The following CATSPERE variants were observed in gnomAD, a reference collection of about 807,000 sequenced individuals.
The protein encoded by CATSPERE is cation channel sperm-associated auxiliary subunit epsilon.
Under a neutral mutation model 114.1 loss-of-function variants are expected in CATSPERE, and 93 were observed. The ratio of observed to expected loss-of-function variants is 0.81; its 90% confidence interval spans 0.69 to 0.97. CATSPERE has a LOEUF of 0.97. CATSPERE is among the 50% of genes least tolerant of loss of function. The pLI, the probability that CATSPERE is intolerant of heterozygous loss-of-function variation, is 0.00. For missense variants in CATSPERE, 1,058 were observed against 1,131.6 expected, an observed-to-expected ratio of 0.93 and a Z score of 0.93; for synonymous variants, 341 against 384.1, an observed-to-expected ratio of 0.89 and a Z score of 1.31.
At chr1:244,618,580 A>G (rs1406351602) in intron 20 of CATSPERE, among the ~76,000 whole-genome samples, 1 of 143,786 alleles carries the variant, frequency 7.0e-6, no homozygotes, top group Non-Finnish European at 1.5e-5. Flanking sequence ...TGGGAGTTCA[A>G]GACCAGCTTG....
chr1:244,527,004 A>G (rs918098811), intron 8 of CATSPERE, among the ~76,000 whole-genome samples: 1 of 152,128 alleles, frequency 6.6e-6, no homozygotes. Flanking sequence ...TCACAAGGTA[A>G]TAAGATGTCA....
At chr1:244,554,062 C>T (rs939703680) in intron 9 of CATSPERE, among the ~76,000 whole-genome samples, 2 of 152,090 alleles carry the variant, frequency 1.3e-5, no homozygotes, top group African/African-American at 4.8e-5. Context: ...TTTCTTTATC[C>T]ACTCATCCAT....
chr1:244,572,330 A>G lies in CATSPERE; in HGVS notation c.1508A>G (p.Asp503Gly). 7.3e-7 allele frequency: 1 copy of G among 1,369,560 alleles called. No individual in the cohort carries two copies. Among genetic ancestry groups the G allele is most frequent in the Non-Finnish European group, 1.0e-6 (1 of 993,486 alleles). The allele number at this position is 1,369,560 out of a possible 1,614,324, so 84.8% of individuals were successfully genotyped here. A position where few individuals can be genotyped will look rare whatever the true frequency, so the allele number is the denominator to read the frequency against. The stretch of plus-strand genomic sequence containing the variant: ...ACACAAACTTTTCTCTTTTTTCCAG[A>G]TTATTATGGAGATATTTTGGTAAAA... ...NDSIIHEVFI[D>G]YYGDILVKME... The change falls in exon 11 of 22, where the codon GAT (aspartate) becomes GGT (glycine). Residue 503 changes from aspartate (D) to glycine (G), a missense_variant and splice_region_variant. Physicochemically the swap from Asp to Gly is moderately conservative, Grantham distance 94. Around this residue, in one of 2 missense-constraint regions of CATSPERE, gnomAD observed 787 missense variants for 905.6 expected, o/e 0.87. Coordinates refer to ENST00000366534, the MANE Select transcript of CATSPERE (RefSeq NM_001130957.2).
intron 5 of CATSPERE, among the ~76,000 whole-genome samples, chr1:244,482,464 T>C (rs563169284): frequency 2.9e-4 from 44 of 152,152 alleles, no homozygotes; most frequent in Admixed American, 4.6e-4. Context: ...TTGTCAGGCA[T>C]GATGACTTGC....
At chr1:244,468,094 T>A (rs1667903403) in intron 2 of CATSPERE, among the ~76,000 whole-genome samples, 1 of 151,934 alleles carries the variant, frequency 6.6e-6, no homozygotes, top group South Asian at 2.1e-4. Flanking sequence ...TATTGTTTTT[T>A]TTTTTTCTTT....
At chr1:244,638,667 A>G (rs1674952146) in intron 21 of CATSPERE, among the ~76,000 whole-genome samples, 1 of 152,224 alleles carries the variant, frequency 6.6e-6, no homozygotes, top group African/African-American at 2.4e-5. Context: ...TGATCTTATC[A>G]CACGCTCCCC....
intron 17 of CATSPERE, among the ~76,000 whole-genome samples, chr1:244,600,475 T>C (rs1253474322): frequency 2.6e-5 from 4 of 152,048 alleles, no homozygotes; most frequent in African/African-American, 9.7e-5. Flanking sequence ...CCTATAAGAA[T>C]GGGAGATGTC....
At chr1:244,550,379 A>T (rs1375404210) in intron 8 of CATSPERE, among the ~76,000 whole-genome samples, 3 of 152,204 alleles carry the variant, frequency 2.0e-5, no homozygotes, top group Non-Finnish European at 4.4e-5. Flanking sequence ...AAGCCAAAAA[A>T]TTTCTGAAAA....
intron 20 of CATSPERE, among the ~76,000 whole-genome samples, chr1:244,627,311 G>A (rs1231286321): frequency 1.3e-5 from 2 of 152,080 alleles, no homozygotes. Flanking sequence ...TAATAATAGT[G>A]AAAAAGGCTG....
rs1660821172 is a variant in CATSPERE, at chr1:244,552,516, A to G, written c.731A>G (p.Asp244Gly). Reference protein sequence around the residue: ...PRGSQLMASWDACVVASAVLV... With the variant: ...PRGSQLMASWGACVVASAVLV... The stretch of plus-strand genomic sequence containing the variant: ...GGTAGTCAATTAATGGCTTCCTGGG[A>G]TGCTTGTGTAGTTGCATCTGCTGTT... Residue 244 changes from aspartate (D) to glycine (G), a missense_variant, in exon 9 of 22, where the codon GAT (aspartate) becomes GGT (glycine). Asp to Gly is a moderately conservative substitution (Grantham distance 94, BLOSUM62 -1). Transcript: ENST00000366534. 2 of 1,614,140 alleles carry G rather than the reference A, an allele frequency of 1.2e-6. No individual in the cohort carries two copies. The highest frequency in any genetic ancestry group is 2.2e-5 in the East Asian group (1 of 44,878).
chr1:244,539,456 C>T (rs1219726526), intron 8 of CATSPERE, among the ~76,000 whole-genome samples: 2 of 136,092 alleles, frequency 1.5e-5, no homozygotes, highest in African/African-American at 5.3e-5. Context: ...TGTCTCTGCC[C>T]GCCTTTGGTA....
Position 244,552,493 on chromosome 1 carries a change from T to C in CATSPERE, c.708T>C (p.Gly236=). The C allele has an allele frequency of 6.2e-7, 1 of 1,614,138 alleles. No homozygotes were observed. Among genetic ancestry groups the C allele is most frequent in the East Asian group, 2.2e-5 (1 of 44,878 alleles). ...PGYLPISSPR[G]SQLMASWDAC... ...ATTTACCAATCTCCTCACCACGTGG[T>C]AGTCAATTAATGGCTTCCTGGGATG... Residue 236 remains glycine, a synonymous_variant, in exon 9 of 22, where the codon GGT becomes GGC. Transcript: ENST00000366534.
chr1:244,549,332 A>G (rs148094555), intron 8 of CATSPERE, among the ~76,000 whole-genome samples: 24 of 152,338 alleles, frequency 1.6e-4, no homozygotes, highest in African/African-American at 5.8e-4. Flanking sequence ...ATACCAGCCT[A>G]TAACCACATA....
intron 17 of CATSPERE, among the ~76,000 whole-genome samples, chr1:244,597,508 T>G (rs1668593240): frequency 6.6e-6 from 1 of 151,018 alleles, no homozygotes; most frequent in African/African-American, 2.4e-5. Context: ...TAGCACCCCC[T>G]TAATTACTTA....
At chr1:244,621,109 T>G (rs1672142157) in intron 20 of CATSPERE, among the ~76,000 whole-genome samples, 1 of 34,692 alleles carries the variant, frequency 2.9e-5, no homozygotes, top group South Asian at 9.9e-4. Context: ...TATATAAATA[T>G]ATATATAATA....
upstream of CATSPERE, chr1:244,451,763 C>T (rs1321025390): frequency 6.2e-7 from 1 of 1,600,480 alleles, no homozygotes; most frequent in Admixed American, 1.7e-5. The surrounding 1 kb of genome is among the most constrained non-coding windows in gnomAD (Gnocchi z 6.6). Context: ...CTGGGGCGGC[C>T]GCAATCGCCG....
intron 17 of CATSPERE, among the ~76,000 whole-genome samples, chr1:244,597,534 CTTTTTTT>C (rs34454607): frequency 7.8e-6 from 1 of 128,216 alleles, no homozygotes; most frequent in Non-Finnish European, 1.6e-5. Context: ...TCCCTGATTT[CTTTTTTT>C]TTTTTTTTTC....
At chr1:244,512,255 C>G (rs1675899782) in intron 7 of CATSPERE, among the ~76,000 whole-genome samples, 2 of 152,230 alleles carry the variant, frequency 1.3e-5, no homozygotes, top group South Asian at 4.1e-4. Flanking sequence ...GTTTGTTTGA[C>G]TGGGTTATTG....
chr1:244,640,155 G>T lies in CATSPERE; in HGVS notation c.*74G>T. ...TGTATTACATAGTGATATTGAGAGT[G>T]TGTGTTTGACCAAGAAATACTAAAT... On this transcript the variant is annotated 3_prime_UTR_variant, in exon 22 of 22. Transcript: ENST00000366534. The T allele has an allele frequency of 8.1e-7, 1 of 1,231,260 alleles. No homozygotes were observed. Among genetic ancestry groups the T allele is most frequent in the Non-Finnish European group, 1.1e-6 (1 of 893,962 alleles). 76.3% of individuals were successfully genotyped at this position (1,231,260 alleles called of 1,614,324 possible).
Sources: gnomAD v4.1 joint callset for allele counts (sites outside exome capture counted in the v4.1 genomes callset) on GRCh38, gnomAD v4.1.1 for gene constraint, gnomAD v4.1.1 regional missense constraint, Gnocchi (gnomAD v3.1) non-coding constraint, MANE v1.5 for transcripts, NCBI Gene and HGNC (gene_info 2026-07-23, HGNC 2026-07-21) for gene names.